FRMD4B: variants seen among roughly 807,000 people sequenced by gnomAD.
FRMD4B encodes FERM domain-containing protein 4B.
Under a neutral mutation model 141.5 loss-of-function variants are expected in FRMD4B, and 74 were observed. The observed-to-expected ratio is 0.52, with a 90% CI of 0.43 to 0.63. The LOEUF (loss-of-function observed/expected upper bound fraction) is 0.63. Among genes scored for constraint, FRMD4B ranks in the 30% least tolerant of loss-of-function variants. The probability of loss-of-function intolerance (pLI) is 0.00; values close to 1 mark genes in which losing one functional copy is unlikely to be tolerated. For missense variants in FRMD4B, 1,366 were observed against 1,253.4 expected, an observed-to-expected ratio of 1.09 and a Z score of -1.36; for synonymous variants, 506 against 467.9, an observed-to-expected ratio of 1.08 and a Z score of -1.05.
intron 7 of FRMD4B, among the ~76,000 whole-genome samples, chr3:69,235,780 A>G (rs538373997): frequency 6.6e-6 from 1 of 152,324 alleles, no homozygotes; most frequent in South Asian, 2.1e-4. Context: ...ATATTATGCT[A>G]TTAACATCAG....
Position 69,345,213 on chromosome 3 carries a change from C to T in FRMD4B, c.163-31696G>A, listed in dbSNP as rs183495343. Among the ~76,000 whole-genome samples, 272 of 152,330 alleles carry T rather than the reference C, an allele frequency of 1.8e-3. 2 individuals are homozygous for T. Among genetic ancestry groups the T allele is most frequent in the African/African-American group, 6.1e-3 (255 of 41,582 alleles). On this transcript the variant is annotated intron_variant, in intron 1 of 22. Coordinates refer to ENST00000398540, the MANE Select transcript of FRMD4B (RefSeq NM_015123.3). ...TATCCTGCACCTGACTCGGAGGGTC[C>T]CATGCCCACGGAGCCTCGCTCATGG...
At chr3:69,512,540 T>C (rs956730952) in intron 1 of FRMD4B, among the ~76,000 whole-genome samples, 2 of 152,214 alleles carry the variant, frequency 1.3e-5, no homozygotes, top group African/African-American at 4.8e-5. Context: ...TTCTGCTCTA[T>C]AGAGTTACCC....
In FRMD4B at chr3:69,289,245, CTTTG is replaced by C. The variant is rs765422590; in HGVS notation, c.417-1413_417-1410del. On this transcript the variant is annotated intron_variant, in intron 4 of 22. Coordinates refer to ENST00000398540, the MANE Select transcript of FRMD4B (RefSeq NM_015123.3). ...TGGCCTTGGGCAAATTATTTAGTTT[CTTTG>C]TGTCTTTTTTAAATTGAATGTCGTG... Among the ~76,000 whole-genome samples the C allele has an allele frequency of 1.0e-3, 159 of 152,270 alleles. 1 individual carries two copies. The highest frequency in any genetic ancestry group is 1.8e-3 in the Non-Finnish European group (124 of 68,012).
chr3:69,221,694 C>T (rs1184160451), intron 9 of FRMD4B, among the ~76,000 whole-genome samples, 164 bp downstream of exon 9: 1 of 152,144 alleles, frequency 6.6e-6, no homozygotes, highest in Non-Finnish European at 1.5e-5. Flanking sequence ...GAGTTGGTGA[C>T]ACCAATGTAT....
At chr3:69,382,219 T>C (rs1174764399) in intron 1 of FRMD4B, among the ~76,000 whole-genome samples, 1 of 152,216 alleles carries the variant, frequency 6.6e-6, no homozygotes, top group Non-Finnish European at 1.5e-5. Context: ...TTTGTATTTT[T>C]AGTAGAGATG....
At chr3:69,270,126 C>T (rs2093587527) in intron 5 of FRMD4B, among the ~76,000 whole-genome samples, 1 of 152,198 alleles carries the variant, frequency 6.6e-6, no homozygotes, top group African/African-American at 2.4e-5. Flanking sequence ...AGCAATCCTC[C>T]TGCCTTGGCC....
intron 1 of FRMD4B, among the ~76,000 whole-genome samples, chr3:69,515,716 TAATA>T (rs903226115): frequency 6.6e-6 from 1 of 151,978 alleles, no homozygotes; most frequent in Non-Finnish European, 1.5e-5. Context: ...TTTATTTAAT[TAATA>T]AAGAAACCAG....
At chr3:69,202,687 G>A (rs891193003) in intron 11 of FRMD4B, among the ~76,000 whole-genome samples, 1 of 152,102 alleles carries the variant, frequency 6.6e-6, no homozygotes, top group Non-Finnish European at 1.5e-5. Flanking sequence ...TGATGAAAGG[G>A]AAATAGTTGT....
intron 5 of FRMD4B, among the ~76,000 whole-genome samples, chr3:69,257,475 C>T (rs1005878687): frequency 4.6e-5 from 7 of 152,170 alleles, no homozygotes; most frequent in Admixed American, 1.3e-4. Context: ...GTGATTGTAA[C>T]TCCCTCTTTA....
chr3:69,520,035 TATATATATTCCATCC>T lies in FRMD4B; in HGVS notation c.-129+22156_-129+22170del, dbSNP rs537362086. ...ATATATATATATATATTCCATCATATATATATATTCCATCCATATATATATATGATGGAATATATA... is the reference window on the plus strand; with the variant it reads ...ATATATATATATATATTCCATCATATATATATATATATGATGGAATATATA... On this transcript the variant is annotated intron_variant, in intron 1 of 5. Transcript: ENST00000459638. Among the ~76,000 whole-genome samples the T allele has an allele frequency of 2.3e-4, 28 of 122,586 alleles. 1 individual carries two copies. Among genetic ancestry groups the T allele is most frequent in the African/African-American group, 1.1e-3 (26 of 24,248 alleles). 80.4% of individuals were successfully genotyped at this position (122,586 alleles called of 152,430 possible).
chr3:69,531,750 G>A (rs1498843), intron 1 of FRMD4B, among the ~76,000 whole-genome samples: 35,346 of 152,136 alleles, frequency 0.23, 4,327 homozygotes, highest in African/African-American at 0.29. Context: ...TCAGTTTCCA[G>A]TATGCTTTTC....
At chr3:69,533,365 C>T (rs551168855) in intron 1 of FRMD4B, among the ~76,000 whole-genome samples, 2 of 150,248 alleles carry the variant, frequency 1.3e-5, no homozygotes, top group South Asian at 4.3e-4. Context: ...AGGTGTGTCA[C>T]TTACTAGCTG....
intron 1 of FRMD4B, among the ~76,000 whole-genome samples, chr3:69,464,223 CT>C (rs1705748417): frequency 6.6e-6 from 1 of 151,892 alleles, no homozygotes; most frequent in African/African-American, 2.4e-5. Context: ...ATGCTGGTAA[CT>C]TTTTTTGCCC....
intron 2 of FRMD4B, among the ~76,000 whole-genome samples, chr3:69,419,133 T>C (rs987814938): frequency 6.6e-6 from 1 of 152,114 alleles, no homozygotes; most frequent in African/African-American, 2.4e-5. Context: ...ATATGGGAAA[T>C]AGGTTTGGGG....
chr3:69,532,230 T>A (rs566212686), intron 1 of FRMD4B, among the ~76,000 whole-genome samples: 1 of 152,370 alleles, frequency 6.6e-6, no homozygotes, highest in Admixed American at 6.5e-5. Context: ...ACTCTCTTAA[T>A]GTTTTGAGAT....
chr3:69,318,510 G>A (rs542170958), intron 1 of FRMD4B, among the ~76,000 whole-genome samples: 1 of 152,174 alleles, frequency 6.6e-6, no homozygotes, highest in Admixed American at 6.5e-5. Flanking sequence ...ACACCACACA[G>A]GGCAGGCTGG....
chr3:69,288,237 A>G (rs1700756332), intron 4 of FRMD4B, among the ~76,000 whole-genome samples: 1 of 152,244 alleles, frequency 6.6e-6, no homozygotes, highest in Non-Finnish European at 1.5e-5. Flanking sequence ...AGCACTACCT[A>G]ACCGAACCCC....
chr3:69,497,940 G>C (rs1383218930), intron 1 of FRMD4B, among the ~76,000 whole-genome samples: 1 of 152,164 alleles, frequency 6.6e-6, no homozygotes, highest in African/African-American at 2.4e-5. Context: ...AGAGTCCAAG[G>C]TGAGCCTAGC....
intron 2 of FRMD4B, among the ~76,000 whole-genome samples, chr3:69,400,020 A>T (rs1704534500): frequency 6.6e-6 from 1 of 152,172 alleles, no homozygotes; most frequent in Non-Finnish European, 1.5e-5. Flanking sequence ...GTACTCAATA[A>T]ACCTGTTAAT....
Sources: allele counts gnomAD v4.1 joint callset (sites outside exome capture counted in the v4.1 genomes callset), GRCh38; gene constraint gnomAD v4.1.1; transcripts MANE v1.5; gene names NCBI Gene and HGNC (gene_info 2026-07-23, HGNC 2026-07-21).